KCND2: variants seen among roughly 807,000 people sequenced by gnomAD.
KCND2 encodes the protein A-type voltage-gated potassium channel KCND2.
A neutral mutation model predicts 54.4 loss-of-function variants in KCND2; 16 were observed. The observed-to-expected ratio is 0.29, with a 90% CI of 0.20 to 0.45. The LOEUF (loss-of-function observed/expected upper bound fraction) is 0.45, where lower values mean the gene tolerates loss of function less well. KCND2 is among the 20% of genes least tolerant of loss of function. The pLI is 1.00. For missense variants in KCND2, 486 were observed against 824.2 expected (o/e 0.59, Z 5.02); for synonymous variants, 317 against 310.7 (o/e 1.02, Z -0.21).
chr7:120,642,952 A>G (rs889677402), intron 1 of KCND2, among the ~76,000 whole-genome samples: 6 of 152,124 alleles, frequency 3.9e-5, no homozygotes, highest in Non-Finnish European at 5.9e-5. Flanking sequence ...AAAGATTTCA[A>G]CTCTATGGAA....
chr7:120,507,728 C>G (rs1803048763), intron 1 of KCND2, among the ~76,000 whole-genome samples: 1 of 151,850 alleles, frequency 6.6e-6, no homozygotes, highest in Non-Finnish European at 1.5e-5. Context: ...CCTGAATTTT[C>G]AGCCTTTGGG....
chr7:120,362,472 C>T (rs1041109091), intron 1 of KCND2, among the ~76,000 whole-genome samples: 1 of 152,020 alleles, frequency 6.6e-6, no homozygotes, highest in Admixed American at 6.6e-5. Flanking sequence ...AGTGGTGACC[C>T]TATGCTAAAA....
At chr7:120,622,664 TACACACACAC>T (rs138167439) in intron 1 of KCND2, among the ~76,000 whole-genome samples, 1 of 134,896 alleles carries the variant, frequency 7.4e-6, no homozygotes. Context: ...TCCTTTTCCT[TACACACACAC>T]ACACACACAC....
At chr7:120,711,255 T>C (rs1792533723) in intron 1 of KCND2, among the ~76,000 whole-genome samples, 1 of 152,140 alleles carries the variant, frequency 6.6e-6, no homozygotes, top group Non-Finnish European at 1.5e-5. Context: ...AATTCAAAGA[T>C]ACAGATTTCA....
intron 1 of KCND2, among the ~76,000 whole-genome samples, chr7:120,502,199 A>AT (rs899306360): frequency 5.3e-4 from 80 of 149,774 alleles, no homozygotes; most frequent in African/African-American, 1.6e-3. Flanking sequence ...ACCCTGATTT[A>AT]TTTTTTTTTT....
At chr7:120,398,794 A>G (rs1801197538) in intron 1 of KCND2, among the ~76,000 whole-genome samples, 1 of 152,128 alleles carries the variant, frequency 6.6e-6, no homozygotes, top group African/African-American at 2.4e-5. Context: ...AGGAGTGACA[A>G]AATGTTTGTA....
At chr7:120,536,995 A>G (rs1791920225) in intron 1 of KCND2, among the ~76,000 whole-genome samples, 1 of 152,136 alleles carries the variant, frequency 6.6e-6, no homozygotes, top group Non-Finnish European at 1.5e-5. Flanking sequence ...AATGTGCTTA[A>G]TGGCATTTAG....
At chr7:120,565,758 T>C (rs1248726935) in intron 1 of KCND2, among the ~76,000 whole-genome samples, 1 of 152,236 alleles carries the variant, frequency 6.6e-6, no homozygotes, top group East Asian at 1.9e-4. Flanking sequence ...TTGAATATCC[T>C]TGCAGAGGAT....
chr7:120,611,240 C>T (rs906901793), intron 1 of KCND2, among the ~76,000 whole-genome samples: 4 of 152,148 alleles, frequency 2.6e-5, no homozygotes, highest in African/African-American at 7.2e-5. Flanking sequence ...GCATTTCATT[C>T]GTCAGTGTCT....
chr7:120,453,738 C>T (rs910274127), intron 1 of KCND2, among the ~76,000 whole-genome samples: 4 of 152,122 alleles, frequency 2.6e-5, no homozygotes, highest in South Asian at 2.1e-4. Flanking sequence ...ATTTCTCGGA[C>T]ACAGCTAAAG....
intron 1 of KCND2, among the ~76,000 whole-genome samples, chr7:120,458,725 T>C (rs992435671): frequency 6.6e-6 from 1 of 152,134 alleles, no homozygotes; most frequent in African/African-American, 2.4e-5. Context: ...GGAGCAGTCA[T>C]CCTGCATAGA....
intron 1 of KCND2, among the ~76,000 whole-genome samples, chr7:120,276,256 A>G (rs1799171935): frequency 6.6e-6 from 1 of 152,150 alleles, no homozygotes; most frequent in Admixed American, 6.5e-5. Flanking sequence ...TAGATTGTAG[A>G]TGTAATTATC....
At chr7:120,321,408 A>G (rs1799891632) in intron 1 of KCND2, among the ~76,000 whole-genome samples, 2 of 152,138 alleles carry the variant, frequency 1.3e-5, no homozygotes, top group South Asian at 2.1e-4. Flanking sequence ...CTTCAGTGTT[A>G]TAGGCATGAG....
chr7:120,332,086 T>TC (rs1309434642), intron 1 of KCND2, among the ~76,000 whole-genome samples: 2 of 152,058 alleles, frequency 1.3e-5, no homozygotes, highest in Non-Finnish European at 2.9e-5. Flanking sequence ...GTATCTGTTC[T>TC]CCCCTGCAAC....
intron 1 of KCND2, among the ~76,000 whole-genome samples, chr7:120,718,592 A>C (rs2116095711): frequency 6.6e-6 from 1 of 152,292 alleles, no homozygotes; most frequent in South Asian, 2.1e-4. Context: ...CCGTTCTGCA[A>C]AGCCTAAAAT....
intron 1 of KCND2, among the ~76,000 whole-genome samples, chr7:120,698,285 C>T (rs1468361): frequency 0.16 from 24,872 of 152,128 alleles, 2,223 homozygotes; most frequent in African/African-American, 0.2. Flanking sequence ...TTGTCTCTCA[C>T]AGAGCATCTA....
At chr7:120,339,623 A>G (rs1287741089) in intron 1 of KCND2, among the ~76,000 whole-genome samples, 1 of 152,044 alleles carries the variant, frequency 6.6e-6, no homozygotes, top group Non-Finnish European at 1.5e-5. Context: ...TTTTCTGAAC[A>G]TCTACCAACT....
At chr7:120,739,818 C>CAT (rs1228609825) in intron 2 of KCND2, among the ~76,000 whole-genome samples, 1 of 151,744 alleles carries the variant, frequency 6.6e-6, no homozygotes, top group African/African-American at 2.4e-5. Flanking sequence ...CACACACACA[C>CAT]ACACACACAC....
chr7:120,716,618 C>T (rs1386207861), intron 1 of KCND2, among the ~76,000 whole-genome samples: 1 of 152,082 alleles, frequency 6.6e-6, no homozygotes, highest in Non-Finnish European at 1.5e-5. Flanking sequence ...AAAGCTTTTT[C>T]TAGGCATAAC....
Sources: allele counts gnomAD v4.1 joint callset (sites outside exome capture counted in the v4.1 genomes callset), GRCh38; gene constraint gnomAD v4.1.1; transcripts MANE v1.5; gene names NCBI Gene and HGNC (gene_info 2026-07-23, HGNC 2026-07-21).